The following CACNA1B variants were observed in gnomAD, a reference collection of about 807,000 sequenced individuals.
CACNA1B encodes the protein voltage-dependent N-type calcium channel subunit alpha-1B.
CACNA1B carries 70 observed loss-of-function variants against 247.2 expected under a neutral mutation model. That is an observed-to-expected ratio of 0.28 (90% CI 0.23 to 0.35). The LOEUF (loss-of-function observed/expected upper bound fraction) is 0.35. Among genes scored for constraint, CACNA1B ranks in the 10% least tolerant of loss-of-function variants. The pLI, the probability that CACNA1B is intolerant of heterozygous loss-of-function variation, is 1.00. For missense variants in CACNA1B, 2,367 were observed against 3,197.4 expected (o/e 0.74, Z 6.26); for synonymous variants, 1,231 against 1,294.4 (o/e 0.95, Z 1.05).
intron 18 of CACNA1B, among the ~76,000 whole-genome samples, chr9:138,015,038 G>A (rs540024308): frequency 3.9e-5 from 6 of 152,286 alleles, no homozygotes; most frequent in African/African-American, 1.2e-4. Context: ...ATTCCTACGC[G>A]AGGAAAGAGC....
intron 18 of CACNA1B, 70 bp from the exon 19 acceptor site, chr9:138,022,941 A>G (rs1958866785): frequency 7.0e-7 from 1 of 1,434,614 alleles, no homozygotes; most frequent in African/African-American, 1.5e-5. Context: ...CTGTGTGTGC[A>G]TTGTGGCCTC....
chr9:138,007,783 A>G lies in CACNA1B; in HGVS notation c.2092+899A>G, dbSNP rs1483517944. On this transcript the variant is annotated intron_variant, in intron 16 of 46. Transcript: ENST00000371372. This position sits in a 1 kb window ranked among gnomAD's most constrained non-coding sequence, Gnocchi z 4.1. Reference sequence around the variant, plus strand: ...ACAGGGCCCCGAGGAGCTGGAGACAATGTCTCACAGTCGACCTCCCGGCTC... The same window carrying G: ...ACAGGGCCCCGAGGAGCTGGAGACAGTGTCTCACAGTCGACCTCCCGGCTC... 6.6e-6 allele frequency among the ~76,000 whole-genome samples: 1 copy of G among 152,100 alleles called. No homozygotes were observed. Among genetic ancestry groups the G allele is most frequent in the Non-Finnish European group, 1.5e-5 (1 of 68,002 alleles).
At chr9:137,966,679 C>T (rs1267832950) in intron 10 of CACNA1B, among the ~76,000 whole-genome samples, 3 of 151,972 alleles carry the variant, frequency 2.0e-5, no homozygotes, top group African/African-American at 7.3e-5. Context: ...GCTGGGACTA[C>T]AGGCACGTGC....
intron 21 of CACNA1B, among the ~76,000 whole-genome samples, chr9:138,046,061 C>G (rs1959183181): frequency 6.6e-6 from 1 of 152,204 alleles, no homozygotes; most frequent in South Asian, 2.1e-4. Flanking sequence ...AGATGGGCTT[C>G]CCAGCCTCCT....
intron 15 of CACNA1B, among the ~76,000 whole-genome samples, chr9:138,000,353 C>T (rs552429036): frequency 2.4e-4 from 37 of 152,290 alleles, no homozygotes; most frequent in Admixed American, 9.1e-4. Flanking sequence ...CCGCCTTGGC[C>T]TCCCAAAGTG....
At chr9:138,081,210 C>T (rs890772362) in intron 36 of CACNA1B, among the ~76,000 whole-genome samples, 12 of 152,176 alleles carry the variant, frequency 7.9e-5, no homozygotes, top group Admixed American at 1.3e-4. Flanking sequence ...TACCACACCA[C>T]GTACAGGGCC....
intron 15 of CACNA1B, among the ~76,000 whole-genome samples, chr9:137,994,362 G>A (rs1295060577): frequency 6.6e-6 from 1 of 152,180 alleles, no homozygotes; most frequent in Non-Finnish European, 1.5e-5. Context: ...TCAGACAAGA[G>A]AAAGAAAGAA....
chr9:137,955,456 G>A lies in CACNA1B; in HGVS notation c.1071-242G>A, dbSNP rs570641344. Among the ~76,000 whole-genome samples the A allele has an allele frequency of 6.6e-6, 1 of 152,338 alleles. No homozygotes were observed. Among genetic ancestry groups the A allele is most frequent in the African/African-American group, 2.4e-5 (1 of 41,582 alleles). ...TAAGTGCCACGGGAGTCTGAGGATG[G>A]AGGGCCACCTGGGCTGCTCATGGAG... is the stretch of plus-strand genomic sequence containing the variant. On this transcript the variant is annotated intron_variant, in intron 7 of 46. Transcript: ENST00000371372. This position sits in a 1 kb window ranked among gnomAD's most constrained non-coding sequence, Gnocchi z 6.9.
Position 138,102,866 on chromosome 9 carries a change from C to T in CACNA1B, c.5319+59C>T. ...GGCTGTGTGTGCTTGCTGAGGGGTG[C>T]TTGCTGGCTCTCCCAGCTCCTCTCC... On this transcript the variant is annotated intron_variant, in intron 38 of 46. Transcript: ENST00000371372. The surrounding 1 kb of genome is among the most constrained non-coding windows in gnomAD (Gnocchi z 5.4). 9.6e-7 allele frequency: 1 copy of T among 1,042,634 alleles called. No homozygotes were observed. Among genetic ancestry groups the T allele is most frequent in the South Asian group, 1.4e-5 (1 of 70,184 alleles). 64.6% of individuals were successfully genotyped at this position (1,042,634 alleles called of 1,614,324 possible). A position where few individuals can be genotyped will look rare whatever the true frequency, so the allele number is the denominator to read the frequency against.
At chr9:138,038,875 T>C (rs1959079762) in intron 20 of CACNA1B, among the ~76,000 whole-genome samples, 1 of 152,160 alleles carries the variant, frequency 6.6e-6, no homozygotes, top group African/African-American at 2.4e-5. Context: ...TTCAGGCTTT[T>C]TGGTGGGCTT....
intron 21 of CACNA1B, among the ~76,000 whole-genome samples, chr9:138,044,695 G>A (rs1192592168): frequency 6.6e-6 from 1 of 152,222 alleles, no homozygotes; most frequent in Non-Finnish European, 1.5e-5. Context: ...CAGGGGCTGG[G>A]CAGGTGGACG....
intron 26 of CACNA1B, among the ~76,000 whole-genome samples, chr9:138,056,933 G>GTTTTTTTTTTTT (rs138277172): frequency 8.8e-6 from 1 of 113,496 alleles, no homozygotes; most frequent in Non-Finnish European, 1.7e-5. Context: ...TTTTATTTGG[G>GTTTTTTTTTTTT]TTTTTTTTTT....
intron 39 of CACNA1B, 26 bp from the exon 40 acceptor site, chr9:138,112,372 C>G (rs769006532): frequency 6.4e-7 from 1 of 1,559,894 alleles, no homozygotes; most frequent in Non-Finnish European, 8.8e-7. Context: ...TGTCTTTTCC[C>G]CTTCCCCACC....
At chr9:138,013,983 C>T (rs926141509) in intron 18 of CACNA1B, among the ~76,000 whole-genome samples, 2 of 152,232 alleles carry the variant, frequency 1.3e-5, no homozygotes, top group Non-Finnish European at 2.9e-5. Context: ...TGCATGCCCA[C>T]CCCCCACACC....
At position 138,096,625 on chromosome 9, in the gene CACNA1B, G is replaced by T. The variant is rs199527410; in HGVS notation, c.5222+14G>T. The T allele has an allele frequency of 6.2e-7, 1 of 1,608,374 alleles. No individual in the cohort carries two copies. Among genetic ancestry groups the T allele is most frequent in the Non-Finnish European group, 8.5e-7 (1 of 1,176,708 alleles). On this transcript the variant is annotated intron_variant, in intron 37 of 46. Coordinates refer to ENST00000371372, the MANE Select transcript of CACNA1B (RefSeq NM_000718.4). ...CCCGGCTGCGTGGTAAGTGAGCCGT[G>T]GTGCTCTGTGGTCCTTGGGGGTGGT... is the stretch of plus-strand genomic sequence containing the variant.
In CACNA1B at chr9:137,954,879, T is replaced by TGTGTGTGTGTGTGAGAGA. The variant is rs1440887333; in HGVS notation, c.1071-818_1071-817insTGTGTGTGTGTGAGAGAG. On this transcript the variant is annotated intron_variant, in intron 7 of 46. Transcript: ENST00000371372. The surrounding 1 kb of genome is among the most constrained non-coding windows in gnomAD (Gnocchi z 4.1). ...GCTTGTGTGTGTGTGTGTGTGTGTG[T>TGTGTGTGTGTGTGAGAGA]GAGAGAGAGAGAGAGAGAGAGAGGG... Among the ~76,000 whole-genome samples, 44 of 145,278 alleles carry TGTGTGTGTGTGTGAGAGA rather than the reference T, an allele frequency of 3.0e-4. No individual in the cohort carries two copies. The East Asian group carries it at 7.6e-3, about 25-fold the overall frequency.
chr9:137,997,664 A>G (rs1958515561), intron 15 of CACNA1B, among the ~76,000 whole-genome samples: 1 of 152,246 alleles, frequency 6.6e-6, no homozygotes, highest in Non-Finnish European at 1.5e-5. Flanking sequence ...AAGAGATCTA[A>G]CAATATTAAG....
chr9:138,071,578 G>A (rs1265309697), intron 32 of CACNA1B, among the ~76,000 whole-genome samples: 1 of 152,174 alleles, frequency 6.6e-6, no homozygotes, highest in Non-Finnish European at 1.5e-5. Context: ...CCTCTCCTGA[G>A]TACCCACAGG....
chr9:137,975,824 A>G (rs1958213041), intron 11 of CACNA1B, 83 bp from the exon 12 acceptor site: 1 of 806,520 alleles, frequency 1.2e-6, no homozygotes, highest in Non-Finnish European at 2.2e-6. Flanking sequence ...GAAGGCCCAG[A>G]GGTCTGGTGT....
Sources: allele counts gnomAD v4.1 joint callset (sites outside exome capture counted in the v4.1 genomes callset), GRCh38; gene constraint gnomAD v4.1.1; non-coding constraint Gnocchi (gnomAD v3.1); transcripts MANE v1.5; gene names NCBI Gene and HGNC (gene_info 2026-07-23, HGNC 2026-07-21).